Variants in DAB2IP observed in about 807,000 individuals in gnomAD.
DAB2IP encodes disabled homolog 2-interacting protein.
DAB2IP carries 28 observed loss-of-function variants against 107.2 expected under a neutral mutation model. The observed-to-expected ratio is 0.26, with a 90% CI of 0.19 to 0.36. The LOEUF is 0.36. Ranked by LOEUF, DAB2IP falls within the 10% of genes least tolerant of loss-of-function variation. The pLI, the probability that DAB2IP is intolerant of heterozygous loss-of-function variation, is 1.00. For synonymous variants in DAB2IP, 755 were observed against 706.4 expected (o/e 1.07, Z -1.09); for missense variants, 1,400 against 1,644.7 (o/e 0.85, Z 2.57).
At chr9:121,669,585 G>C (rs753810004) in intron 1 of DAB2IP, among the ~76,000 whole-genome samples, 1 of 152,172 alleles carries the variant, frequency 6.6e-6, no homozygotes, top group Non-Finnish European at 1.5e-5. Context: ...AGAAGGCAGA[G>C]GCAAGTCTAT....
intron 2 of DAB2IP, among the ~76,000 whole-genome samples, chr9:121,691,886 G>A (rs1439028397): frequency 6.6e-6 from 1 of 152,220 alleles, no homozygotes; most frequent in Non-Finnish European, 1.5e-5. Flanking sequence ...TTTAGGGCAG[G>A]AAGCTTCAGC....
At chr9:121,695,777 T>A (rs1323759159) in intron 2 of DAB2IP, among the ~76,000 whole-genome samples, 1 of 152,256 alleles carries the variant, frequency 6.6e-6, no homozygotes, top group Non-Finnish European at 1.5e-5. Flanking sequence ...AACAGTCCTG[T>A]ACATGTATAT....
At chr9:121,664,223 T>C (rs999321893) in intron 1 of DAB2IP, among the ~76,000 whole-genome samples, 1 of 152,274 alleles carries the variant, frequency 6.6e-6, no homozygotes, top group African/African-American at 2.4e-5. Context: ...TTCTAGACTC[T>C]ATTCTGTTCC....
intron 1 of DAB2IP, among the ~76,000 whole-genome samples, chr9:121,582,442 C>A (rs543841793): frequency 1.3e-5 from 2 of 152,190 alleles, no homozygotes; most frequent in African/African-American, 4.8e-5. Flanking sequence ...GGAAGGGAAG[C>A]CCCATTTTCA....
intron 3 of DAB2IP, among the ~76,000 whole-genome samples, chr9:121,755,128 C>T (rs534148348): frequency 6.6e-6 from 1 of 152,330 alleles, no homozygotes; most frequent in South Asian, 2.1e-4. Flanking sequence ...GGCCCACCCA[C>T]GGCACTGGTC....
At chr9:121,687,382 T>G (rs1828935351) in intron 2 of DAB2IP, among the ~76,000 whole-genome samples, 2 of 151,594 alleles carry the variant, frequency 1.3e-5, no homozygotes, top group Non-Finnish European at 2.9e-5. Context: ...CAGGGTGAGG[T>G]GGACCAGCAT....
In DAB2IP at chr9:121,701,203, C is replaced by T. The variant is rs536678781; in HGVS notation, c.362+1745C>T. 3.3e-5 allele frequency among the ~76,000 whole-genome samples: 5 copies of T among 152,296 alleles called. No homozygotes were observed. The highest frequency in any genetic ancestry group is 4.1e-4 in the South Asian group (2 of 4,824). ...CGGCTTCTGAGTGTGTCTGCTCTCC[C>T]GGGAGCAGGCGGCATGCATGTCATG... On this transcript the variant is annotated intron_variant, in intron 3 of 15. Transcript: ENST00000408936. This position sits in a 1 kb window ranked among gnomAD's most constrained non-coding sequence, Gnocchi z 4.7.
At chr9:121,570,675 A>G (rs534118717) in intron 1 of DAB2IP, among the ~76,000 whole-genome samples, 1 of 151,882 alleles carries the variant, frequency 6.6e-6, no homozygotes, top group Non-Finnish European at 1.5e-5. Context: ...CAGCCTTCAG[A>G]ATAGCTGGAC....
chr9:121,763,913 G>T (rs190350865), intron 8 of DAB2IP, 34 bp downstream of exon 8: 2 of 1,607,262 alleles, frequency 1.2e-6, no homozygotes, highest in African/African-American at 2.7e-5. Context: ...CCACCCTGTC[G>T]CCTTCCCCAT....
rs1428043436 is a variant in DAB2IP, at chr9:121,736,012, C to A, written c.363-21001C>A. On this transcript the variant is annotated intron_variant, in intron 3 of 15. Coordinates refer to ENST00000408936, the Ensembl canonical transcript of DAB2IP. The surrounding 1 kb of genome is among the most constrained non-coding windows in gnomAD (Gnocchi z 4.6). ...TTCCCTTCTGTCCTGCCGGACTAGCCGGGTGCTTTCCAGAAGAGAAAACCC... is the reference window on the plus strand; with the variant it reads ...TTCCCTTCTGTCCTGCCGGACTAGCAGGGTGCTTTCCAGAAGAGAAAACCC... 6.6e-6 allele frequency among the ~76,000 whole-genome samples: 1 copy of A among 152,196 alleles called. No homozygotes were observed. Among genetic ancestry groups the A allele is most frequent in the Non-Finnish European group, 1.5e-5 (1 of 68,040 alleles).
intron 1 of DAB2IP, chr9:121,598,453 C>G (rs1589387773): frequency 6.6e-6 from 1 of 152,382 alleles, no homozygotes; most frequent in South Asian, 2.1e-4. Flanking sequence ...GCCGCGGGCA[C>G]CGCGCTGGCC....
chr9:121,589,280 A>G (rs981869091), intron 1 of DAB2IP, among the ~76,000 whole-genome samples: 1 of 151,948 alleles, frequency 6.6e-6, no homozygotes, highest in Non-Finnish European at 1.5e-5. Context: ...AGGGTCCCTC[A>G]TGGTGCAGCC....
chr9:121,677,724 C>T (rs562811703), intron 1 of DAB2IP, among the ~76,000 whole-genome samples: 102 of 152,126 alleles, frequency 6.7e-4, no homozygotes, highest in South Asian at 2.9e-3. Context: ...TGCAGTGGCA[C>T]GATCTTGGGT....
At chr9:121,622,134 G>A (rs181164486) in intron 1 of DAB2IP, among the ~76,000 whole-genome samples, 11 of 151,844 alleles carry the variant, frequency 7.2e-5, no homozygotes, top group South Asian at 2.1e-4. Context: ...GACTACAGGC[G>A]TGTGCCACCA....
intron 2 of DAB2IP, among the ~76,000 whole-genome samples, chr9:121,694,034 G>C (rs952863876): frequency 2.0e-5 from 3 of 152,150 alleles, no homozygotes; most frequent in African/African-American, 7.2e-5. Flanking sequence ...CCCTGGGGGT[G>C]GGAAGCCTCC....
exon 6 of DAB2IP, chr9:121,759,891 A>G: frequency 6.2e-7 from 1 of 1,612,664 alleles, no homozygotes; most frequent in Middle Eastern, 1.7e-4. Flanking sequence ...ACAGGACAAC[A>G]GCCGGCGTGT....
At chr9:121,750,168 T>C (rs1448275743) in intron 3 of DAB2IP, among the ~76,000 whole-genome samples, 2 of 152,324 alleles carry the variant, frequency 1.3e-5, no homozygotes, top group East Asian at 3.9e-4. Context: ...AACTGAGTCC[T>C]AGAGAGTCGA....
At chr9:121,695,449 G>T (rs1282661522) in intron 2 of DAB2IP, among the ~76,000 whole-genome samples, 1 of 152,134 alleles carries the variant, frequency 6.6e-6, no homozygotes, top group Non-Finnish European at 1.5e-5. Context: ...CCATAAAGTA[G>T]GTATCATCAT....
intron 3 of DAB2IP, among the ~76,000 whole-genome samples, chr9:121,747,298 T>A (rs899551450): frequency 2.6e-5 from 4 of 151,116 alleles, no homozygotes; most frequent in Non-Finnish European, 5.9e-5. Flanking sequence ...AGCTCACTTC[T>A]GATTTGCCCA....
Sources: gnomAD v4.1 joint callset for allele counts (sites outside exome capture counted in the v4.1 genomes callset) on GRCh38, gnomAD v4.1.1 for gene constraint, Gnocchi (gnomAD v3.1) non-coding constraint, MANE v1.5 for transcripts, NCBI Gene and HGNC (gene_info 2026-07-23, HGNC 2026-07-21) for gene names.